EEA1: variants seen among roughly 807,000 people sequenced by gnomAD.
EEA1 encodes the protein early endosome antigen 1, 162kD.
EEA1 carries 111 observed loss-of-function variants against 209.2 expected under a neutral mutation model. That is an observed-to-expected ratio of 0.53 (90% CI 0.45 to 0.62). The LOEUF (loss-of-function observed/expected upper bound fraction) is 0.62, where lower values mean the gene tolerates loss of function less well. Ranked by LOEUF, EEA1 falls within the 20% of genes least tolerant of loss-of-function variation. The probability of loss-of-function intolerance (pLI) is 0.00; values close to 1 mark genes in which losing one functional copy is unlikely to be tolerated. For missense variants in EEA1, 1,343 were observed against 1,530.8 expected (o/e 0.88, Z 2.05); for synonymous variants, 536 against 540.6 (o/e 0.99, Z 0.12).
At chr12:92,888,445 C>T (rs1216991127) in intron 2 of EEA1, among the ~76,000 whole-genome samples, 2 of 151,842 alleles carry the variant, frequency 1.3e-5, no homozygotes, top group East Asian at 3.9e-4. Context: ...GGTGTGGTGG[C>T]GGGTGCCTGT....
intron 1 of EEA1, among the ~76,000 whole-genome samples, chr12:92,921,466 G>A (rs1036302713): frequency 9.6e-6 from 1 of 104,388 alleles, no homozygotes; most frequent in South Asian, 3.0e-4. Flanking sequence ...GGATGAAATT[G>A]GAAATCATCA....
At chr12:92,883,878 G>A in intron 2 of EEA1, 5 of 1,598,130 alleles carry the variant, frequency 3.1e-6, no homozygotes, top group Non-Finnish European at 4.3e-6. Flanking sequence ...GCCATTTTGA[G>A]CAATGGGGAA....
At chr12:92,829,356 T>C (rs1876495345) in intron 11 of EEA1, among the ~76,000 whole-genome samples, 1 of 152,174 alleles carries the variant, frequency 6.6e-6, no homozygotes, top group Admixed American at 6.5e-5. Context: ...AATTTGTTTA[T>C]CTGAACTAAA....
intron 13 of EEA1, 117 bp downstream of exon 13, chr12:92,826,049 G>C: frequency 8.8e-7 from 1 of 1,139,978 alleles, no homozygotes; most frequent in East Asian, 2.8e-5. Context: ...GTACTTTCTA[G>C]TTTTACCACA....
Position 92,816,238 on chromosome 12 carries a change from T to C in EEA1, c.1891A>G (p.Asn631Asp). 1 of 1,613,918 alleles carries C rather than the reference T, an allele frequency of 6.2e-7. No individual in the cohort carries two copies. Among genetic ancestry groups the C allele is most frequent in the Non-Finnish European group, 8.5e-7 (1 of 1,179,850 alleles). ...TGGGAGACCTTCTCCTTGCTTTCAT[T>C]TAATTGACTATTTAATTCATTGACA... ...TSVNELNSQL[N>D]ESKEKVSQLD... The change falls in exon 15 of 29, where the codon AAT becomes GAT. Residue 631 changes from asparagine to aspartate, a missense_variant. Physicochemically the swap from Asn to Asp is conservative, Grantham distance 23 (BLOSUM62 1). Coordinates refer to ENST00000322349, the MANE Select transcript of EEA1 (RefSeq NM_003566.4).
intron 28 of EEA1, among the ~76,000 whole-genome samples, chr12:92,776,541 T>C (rs1873663261): frequency 1.3e-5 from 2 of 152,044 alleles, no homozygotes; most frequent in South Asian, 4.1e-4. Context: ...ACCTCTGCTT[T>C]TTCTTCCTTT....
At position 92,818,927 on chromosome 12, in the gene EEA1, T is replaced by C. The variant is rs552299988; in HGVS notation, c.1728+381A>G. 7.2e-5 allele frequency among the ~76,000 whole-genome samples: 11 copies of C among 152,318 alleles called. No individual in the cohort carries two copies. In the South Asian group the frequency reaches 2.1e-3, roughly 29 times the overall value. On this transcript the variant is annotated intron_variant, in intron 14 of 28. Coordinates refer to ENST00000322349, the MANE Select transcript of EEA1 (RefSeq NM_003566.4). ...ATCAATACACAGTAAAAACTAACACTTGATTAATATCTTCAATTTATGAAT... is the reference window on the plus strand; with the variant it reads ...ATCAATACACAGTAAAAACTAACACCTGATTAATATCTTCAATTTATGAAT...
intron 18 of EEA1, among the ~76,000 whole-genome samples, chr12:92,805,844 G>A (rs1164058063): frequency 2.0e-5 from 3 of 152,042 alleles, no homozygotes; most frequent in East Asian, 3.9e-4. Context: ...CTAATAAATC[G>A]TATAGGTCCC....
chr12:92,810,513 C>A (rs937728395), intron 17 of EEA1, among the ~76,000 whole-genome samples: 1 of 152,026 alleles, frequency 6.6e-6, no homozygotes, highest in Non-Finnish European at 1.5e-5. Flanking sequence ...TTCCCCCATA[C>A]TATATTGGTA....
At chr12:92,838,477 T>C (rs1176706134) in intron 10 of EEA1, among the ~76,000 whole-genome samples, 1 of 152,200 alleles carries the variant, frequency 6.6e-6, no homozygotes, top group Non-Finnish European at 1.5e-5. Context: ...AACTAAATTA[T>C]GTAGAAGTTT....
chr12:92,864,922 T>A lies in EEA1; in HGVS notation c.183A>T (p.Glu61Asp), dbSNP rs1237058327. Residue 61 changes from glutamate to aspartate, a missense_variant, in exon 3 of 29, where the codon GAA (glutamate) becomes GAT (aspartate). Transcript: ENST00000322349. ...GSADELFKHY[E>D]AVHDAGNDSG... ...AGTCATTACCAGCATCATGAACAGC[T>A]TCATAATGTTTGAAAAGTTCATCAG... The A allele has an allele frequency of 6.2e-7, 1 of 1,611,348 alleles. No individual in the cohort carries two copies.
intron 13 of EEA1, among the ~76,000 whole-genome samples, chr12:92,819,751 T>C (rs1456828681): frequency 2.0e-5 from 3 of 152,252 alleles, no homozygotes; most frequent in South Asian, 2.1e-4. Context: ...ACGTTTTTTT[T>C]CTAACACTCT....
chr12:92,861,392 T>C (rs968977957), intron 3 of EEA1, among the ~76,000 whole-genome samples: 7 of 152,296 alleles, frequency 4.6e-5, no homozygotes, highest in African/African-American at 7.2e-5. Flanking sequence ...GAGGTATCGG[T>C]TGCGGTGAGC....
At chr12:92,928,890 C>T (rs1465496017) in intron 1 of EEA1, among the ~76,000 whole-genome samples, 153 bp downstream of exon 1, 4 of 150,854 alleles carry the variant, frequency 2.7e-5, no homozygotes, top group African/African-American at 4.9e-5. Flanking sequence ...GCCCTCCCCG[C>T]CCCCGGGCCG....
intron 10 of EEA1, among the ~76,000 whole-genome samples, chr12:92,837,563 G>A (rs906395383): frequency 3.3e-5 from 5 of 152,292 alleles, no homozygotes; most frequent in East Asian, 1.9e-4. Flanking sequence ...TGTAGTGACT[G>A]TAGATAAGCA....
At position 92,811,268 on chromosome 12, in the gene EEA1, T is replaced by A. The variant is rs752101854; in HGVS notation, c.2199+11A>T. The stretch of plus-strand genomic sequence containing the variant: ...GAAAATATGACTAAATTCAACTTCT[T>A]TTATACAAACCTTAATTTGACCTTC... On this transcript the variant is annotated intron_variant, in intron 17 of 28. Transcript: ENST00000322349. 6.7e-7 allele frequency: 1 copy of A among 1,499,566 alleles called. No homozygotes were observed. The highest frequency in any genetic ancestry group is 1.4e-5 in the African/African-American group (1 of 69,966). 92.9% of individuals were successfully genotyped at this position (1,499,566 alleles called of 1,614,324 possible). A position where few individuals can be genotyped will look rare whatever the true frequency, so the allele number is the denominator to read the frequency against.
rs1185054685 is a variant in EEA1, at chr12:92,772,675, C to G, written c.*3336G>C. The G allele has an allele frequency of 1.3e-5, 2 of 152,184 alleles. No individual in the cohort carries two copies. Among genetic ancestry groups the G allele is most frequent in the East Asian group, 3.8e-4 (2 of 5,196 alleles). 9.4% of individuals were successfully genotyped at this position (152,184 alleles called of 1,614,324 possible). On this transcript the variant is annotated 3_prime_UTR_variant, in exon 29 of 29. Coordinates refer to ENST00000322349, the MANE Select transcript of EEA1 (RefSeq NM_003566.4). ...TTCCAATCACTGAGTTTAGAAATTG[C>G]AGTATTTACTGAGCTAACCTTTCTC...
At position 92,773,943 on chromosome 12, in the gene EEA1, G is replaced by C. The variant is rs12304974; in HGVS notation, c.*2068C>G. 1 of 149,564 alleles carries C rather than the reference G, an allele frequency of 6.7e-6. No homozygotes were observed. Among genetic ancestry groups the C allele is most frequent in the Non-Finnish European group, 1.5e-5 (1 of 66,988 alleles). The allele number at this position is 149,564 out of a possible 1,614,324, so 9.3% of individuals were successfully genotyped here. On this transcript the variant is annotated 3_prime_UTR_variant, in exon 29 of 29. Coordinates refer to ENST00000322349, the MANE Select transcript of EEA1 (RefSeq NM_003566.4). The stretch of plus-strand genomic sequence containing the variant: ...TTGTTGTCTTAAAATTTTTTTGTGA[G>C]TATTTTGGGGGTAAAGGGGAGACAG...
chr12:92,871,616 A>G lies in EEA1; in HGVS notation c.118-6629T>C, dbSNP rs372858743. 5.9e-5 allele frequency among the ~76,000 whole-genome samples: 9 copies of G among 152,366 alleles called. No individual in the cohort carries two copies. In the South Asian group the frequency reaches 1.7e-3, roughly 28 times the overall value. On this transcript the variant is annotated intron_variant, in intron 2 of 28. Coordinates refer to ENST00000322349, the MANE Select transcript of EEA1 (RefSeq NM_003566.4). ...CAATGCAAATAGAAATAACAAGAAA[A>G]TAACTAGTGTATCTCTTCTGGTATA...
Sources: allele counts gnomAD v4.1 joint callset (sites outside exome capture counted in the v4.1 genomes callset), GRCh38; gene constraint gnomAD v4.1.1; transcripts MANE v1.5; gene names NCBI Gene and HGNC (gene_info 2026-07-23, HGNC 2026-07-21).